Variants in ADGB observed in about 807,000 individuals in gnomAD.
ADGB encodes the protein calpain-7-like protein.
Under a neutral mutation model 210.5 loss-of-function variants are expected in ADGB, and 172 were observed. The ratio of observed to expected loss-of-function variants is 0.82; its 90% CI spans 0.72 to 0.93. The LOEUF (loss-of-function observed/expected upper bound fraction) is 0.93. Ranked by LOEUF, ADGB falls within the 40% of genes least tolerant of loss-of-function variation. The pLI, the probability that ADGB is intolerant of heterozygous loss-of-function variation, is 0.00. For missense variants in ADGB, 2,025 were observed against 1,964.8 expected (o/e 1.03, Z -0.58); for synonymous variants, 658 against 662.7 (o/e 0.99, Z 0.11).
intron 7 of ADGB, among the ~76,000 whole-genome samples, chr6:146,671,350 A>G (rs1033720578): frequency 6.6e-6 from 1 of 152,096 alleles, no homozygotes; most frequent in Admixed American, 6.6e-5. Flanking sequence ...ATGAGAATGG[A>G]GAAAAGGGGA....
At chr6:146,683,822 A>G (rs904703847) in intron 9 of ADGB, among the ~76,000 whole-genome samples, 4 of 152,136 alleles carry the variant, frequency 2.6e-5, no homozygotes, top group Non-Finnish European at 4.4e-5. Flanking sequence ...CAAAAGACTT[A>G]TTAAAGATCA....
At chr6:146,671,550 T>A (rs1170257478) in intron 7 of ADGB, among the ~76,000 whole-genome samples, 3 of 152,098 alleles carry the variant, frequency 2.0e-5, no homozygotes, top group South Asian at 2.1e-4. Flanking sequence ...GTTGTATGTG[T>A]GAGTCTGGAT....
chr6:146,807,441 C>T (rs529937308), intron 35 of ADGB: 235 of 1,551,530 alleles, frequency 1.5e-4, no homozygotes, highest in Non-Finnish European at 1.9e-4. Flanking sequence ...TTTCGACATC[C>T]GGGAAGAGTA....
intron 14 of ADGB, among the ~76,000 whole-genome samples, chr6:146,715,826 T>C (rs768430505): frequency 6.6e-6 from 1 of 152,026 alleles, no homozygotes; most frequent in Non-Finnish European, 1.5e-5. Flanking sequence ...TCTCAGCACT[T>C]TGGGAGGCTG....
chr6:146,719,553 C>T (rs1043525068), intron 16 of ADGB, among the ~76,000 whole-genome samples: 1 of 152,142 alleles, frequency 6.6e-6, no homozygotes, highest in Non-Finnish European at 1.5e-5. Context: ...AGGCCAGACA[C>T]TCCAGACCTT....
intron 27 of ADGB, among the ~76,000 whole-genome samples, chr6:146,758,285 C>T (rs778408308): frequency 2.6e-5 from 4 of 152,002 alleles, no homozygotes; most frequent in East Asian, 1.9e-4. Context: ...CATTTTACAC[C>T]GGTATTATAG....
At chr6:146,646,970 T>A (rs1409105091) in intron 3 of ADGB, among the ~76,000 whole-genome samples, 1 of 151,400 alleles carries the variant, frequency 6.6e-6, no homozygotes. Flanking sequence ...ATGACTGTAA[T>A]CCCAGCTACC....
chr6:146,691,084 G>T lies in ADGB; in HGVS notation c.1312-32G>T, dbSNP rs1466623975. The T allele has an allele frequency of 2.0e-6, 3 of 1,488,570 alleles. No homozygotes were observed. In the East Asian group the frequency reaches 7.5e-5, roughly 37 times the overall value. The allele number at this position is 1,488,570 out of a possible 1,614,324, so 92.2% of individuals were successfully genotyped here. ...AAAAAGCATTGTTTTGAATGAAGGAGAATGCTTTTCAATTTACTTTCCATC... is the reference window on the plus strand; with the variant it reads ...AAAAAGCATTGTTTTGAATGAAGGATAATGCTTTTCAATTTACTTTCCATC... On this transcript the variant is annotated intron_variant, in intron 10 of 35. Transcript: ENST00000397944.
chr6:146,753,940 A>G (rs1405626597), intron 27 of ADGB, among the ~76,000 whole-genome samples: 5 of 151,604 alleles, frequency 3.3e-5, no homozygotes, highest in African/African-American at 1.2e-4. Flanking sequence ...AGAACTTTGT[A>G]GTTTTTCTAT....
chr6:146,784,930 A>C, intron 31 of ADGB, 136 bp downstream of exon 31: 1 of 873,320 alleles, frequency 1.1e-6, no homozygotes, highest in Non-Finnish European at 1.7e-6. Context: ...ACAGGCATTG[A>C]ATAACTACGT....
chr6:146,709,321 T>A (rs1776623648), intron 13 of ADGB, among the ~76,000 whole-genome samples: 1 of 152,312 alleles, frequency 6.6e-6, no homozygotes, highest in South Asian at 2.1e-4. Context: ...TGTCTGTAAA[T>A]TTAAGAGTAG....
At chr6:146,789,789 G>T (rs533458057) in intron 33 of ADGB, among the ~76,000 whole-genome samples, 16 of 152,148 alleles carry the variant, frequency 1.1e-4, no homozygotes, top group African/African-American at 3.6e-4. Flanking sequence ...AGCATATATT[G>T]CTATCTCCAC....
chr6:146,700,903 C>A, intron 12 of ADGB, 38 bp from the exon 13 acceptor site: 1 of 1,529,372 alleles, frequency 6.5e-7, no homozygotes, highest in South Asian at 1.2e-5. Context: ...AACAGAAGAT[C>A]AAAATAACAG....
At chr6:146,786,511 G>A (rs1777876651) in intron 32 of ADGB, among the ~76,000 whole-genome samples, 3 of 152,134 alleles carry the variant, frequency 2.0e-5, no homozygotes, top group Non-Finnish European at 4.4e-5. Flanking sequence ...TGAATAGCAA[G>A]TACCATCCTA....
chr6:146,769,182 T>C (rs1777618718), intron 29 of ADGB, 51 bp downstream of exon 29: 1 of 804,478 alleles, frequency 1.2e-6, no homozygotes, highest in Non-Finnish European at 2.0e-6. Context: ...AATAAGTTGA[T>C]ATTTAAATAT....
At chr6:146,697,400 T>C (rs1249405967) in intron 12 of ADGB, among the ~76,000 whole-genome samples, 1 of 152,220 alleles carries the variant, frequency 6.6e-6, no homozygotes, top group African/African-American at 2.4e-5. Flanking sequence ...CAGTTAACTG[T>C]ACTTCAATTA....
At chr6:146,658,533 A>ATTGGTT (rs1237345843) in intron 5 of ADGB, among the ~76,000 whole-genome samples, 1 of 152,182 alleles carries the variant, frequency 6.6e-6, no homozygotes, top group African/African-American at 2.4e-5. Context: ...GTTTTGAAAC[A>ATTGGTT]TTGAACCAAC....
chr6:146,599,198 A>G, intron 1 of ADGB, 84 bp downstream of exon 1: 2 of 1,300,200 alleles, frequency 1.5e-6, no homozygotes, highest in Non-Finnish European at 2.2e-6. Flanking sequence ...CCCTGCAGCA[A>G]ACTGTGCCAG....
At chr6:146,740,335 T>G (rs1777146535) in intron 23 of ADGB, 124 bp from the exon 24 acceptor site, 2 of 874,314 alleles carry the variant, frequency 2.3e-6, no homozygotes, top group Non-Finnish European at 3.4e-6. Flanking sequence ...TTGATCAAGA[T>G]CTCAATCTAG....
Sources: gnomAD v4.1 joint callset for allele counts (sites outside exome capture counted in the v4.1 genomes callset) on GRCh38, gnomAD v4.1.1 for gene constraint, MANE v1.5 for transcripts, NCBI Gene and HGNC (gene_info 2026-07-23, HGNC 2026-07-21) for gene names.